ARHGAP6: variants seen among roughly 807,000 people sequenced by gnomAD.
ARHGAP6 encodes rho GTPase-activating protein 6.
A neutral mutation model predicts 55.7 loss-of-function variants in ARHGAP6; 16 were observed. The ratio of observed to expected loss-of-function variants is 0.29; its 90% CI spans 0.19 to 0.44. The LOEUF is 0.44. Among genes scored for constraint, ARHGAP6 ranks in the 20% least tolerant of loss-of-function variants. The pLI is 1.00. For synonymous variants in ARHGAP6, 382 were observed against 360.9 expected, an observed-to-expected ratio of 1.06 and a Z score of -0.66; for missense variants, 698 against 808.9, an observed-to-expected ratio of 0.86 and a Z score of 1.66.
chrX:11,503,379 C>T (rs778350950), intron 1 of ARHGAP6, among the ~76,000 whole-genome samples: 1 of 111,720 alleles, frequency 9.0e-6, no homozygotes, highest in Non-Finnish European at 1.9e-5. Context: ...GCACATTCCT[C>T]GACTGTGTGT....
At chrX:11,296,979 T>C (rs1002215194) in intron 1 of ARHGAP6, among the ~76,000 whole-genome samples, 11 of 111,554 alleles carry the variant, frequency 9.9e-5, no homozygotes, top group Non-Finnish European at 1.7e-4. Flanking sequence ...TAAGCTCTGA[T>C]GGTTGGCCTC....
At chrX:11,300,630 G>A (rs751302355) in intron 1 of ARHGAP6, 14 of 1,194,671 alleles carry the variant, frequency 1.2e-5, no homozygotes, top group Admixed American at 2.2e-5. Context: ...GAAGATGAGA[G>A]GGGAATGAAT....
At chrX:11,524,231 C>T (rs1190474266) in intron 1 of ARHGAP6, among the ~76,000 whole-genome samples, 1 of 111,593 alleles carries the variant, frequency 9.0e-6, no homozygotes, top group East Asian at 2.8e-4. Context: ...CCTAGCCTGC[C>T]TTGCATTGAC....
At chrX:11,317,929 C>T (rs1044190609) in intron 1 of ARHGAP6, among the ~76,000 whole-genome samples, 35 of 111,978 alleles carry the variant, frequency 3.1e-4, no homozygotes, top group Middle Eastern at 4.6e-3. Flanking sequence ...AGGATCAAGC[C>T]CGGTGCCTCC....
At chrX:11,174,632 TTTCTTTCTTTCTTTCTTTCTTTC>T (rs2046168157) in intron 8 of ARHGAP6, among the ~76,000 whole-genome samples, 1 of 30,604 alleles carries the variant, frequency 3.3e-5, no homozygotes, top group Non-Finnish European at 5.7e-5. Context: ...CTTTTCTTTC[TTTCTTTCTTTCTTTCTTTCTTTC>T]TTTCTTTCTT....
At chrX:11,655,333 T>C (rs1488533814) in intron 1 of ARHGAP6, among the ~76,000 whole-genome samples, 2 of 112,581 alleles carry the variant, frequency 1.8e-5, no homozygotes, top group Admixed American at 1.9e-4. Flanking sequence ...TTATGAATAC[T>C]GCTGCTATAA....
chrX:11,616,468 G>T, intron 1 of ARHGAP6, among the ~76,000 whole-genome samples: 1 of 111,019 alleles, frequency 9.0e-6, no homozygotes, highest in Middle Eastern at 4.6e-3. Context: ...TGGGATTACA[G>T]GTGCCCACCA....
At chrX:11,521,274 G>C (rs1667999566) in intron 1 of ARHGAP6, among the ~76,000 whole-genome samples, 1 of 111,822 alleles carries the variant, frequency 8.9e-6, no homozygotes, top group Non-Finnish European at 1.9e-5. Flanking sequence ...TTTTCTTCTA[G>C]GGTTTTTATG....
At chrX:11,298,310 A>T (rs1216598702) in intron 1 of ARHGAP6, 1 of 1,187,065 alleles carries the variant, frequency 8.4e-7, no homozygotes, top group Non-Finnish European at 1.1e-6. Flanking sequence ...ATTCCCTGAA[A>T]ATATTAGGCA....
chrX:11,244,567 A>C (rs2047328363), intron 2 of ARHGAP6, among the ~76,000 whole-genome samples: 1 of 112,495 alleles, frequency 8.9e-6, no homozygotes, highest in African/African-American at 3.2e-5. Flanking sequence ...TACACTCAGC[A>C]TTAAATTTCA....
chrX:11,207,099 C>T lies in ARHGAP6; in HGVS notation c.749-10103G>A, dbSNP rs140747940. ...CCTCAAATGTCTTCCTGGAGAGACT[C>T]CACATATGCCAGCCTTCTCAAGAGT... On this transcript the variant is annotated intron_variant, in intron 2 of 12. Coordinates refer to ENST00000337414, the MANE Select transcript of ARHGAP6 (RefSeq NM_013427.3). Among the ~76,000 whole-genome samples, 420 of 111,592 alleles carry T rather than the reference C, an allele frequency of 3.8e-3. 2 individuals are homozygous for T. Among genetic ancestry groups the T allele is most frequent in the Non-Finnish European group, 6.0e-3 (318 of 53,083 alleles).
intron 1 of ARHGAP6, among the ~76,000 whole-genome samples, chrX:11,527,580 C>T (rs1046657003): frequency 2.7e-5 from 3 of 111,493 alleles, no homozygotes; most frequent in African/African-American, 9.8e-5. Flanking sequence ...CCACTGCACT[C>T]CAGCCTGGGC....
chrX:11,518,462 C>CTTTTTTTTTTTTTTTT (rs368595944), intron 1 of ARHGAP6, among the ~76,000 whole-genome samples: 1 of 74,931 alleles, frequency 1.3e-5, no homozygotes, highest in Non-Finnish European at 2.5e-5. Flanking sequence ...TTTTTTTTTT[C>CTTTTTTTTTTTTTTTT]TTTTTTTTTT....
chrX:11,295,022 C>T (rs961706717), intron 1 of ARHGAP6, among the ~76,000 whole-genome samples: 3 of 112,018 alleles, frequency 2.7e-5, no homozygotes, highest in African/African-American at 9.7e-5. Flanking sequence ...TCAAATGCCG[C>T]TACCAAAAAT....
intron 1 of ARHGAP6, among the ~76,000 whole-genome samples, chrX:11,590,869 G>GAAAAGAAAAGAAGGAAA (rs2051813205): frequency 2.9e-4 from 7 of 24,199 alleles, no homozygotes; most frequent in Admixed American, 5.8e-4. Context: ...AAGAAAAGAA[G>GAAAAGAAAAGAAGGAAA]GAAAGAAAGA....
intron 8 of ARHGAP6, among the ~76,000 whole-genome samples, chrX:11,170,344 T>C (rs1339978864): frequency 9.0e-6 from 1 of 111,453 alleles, no homozygotes; most frequent in Non-Finnish European, 1.9e-5. Flanking sequence ...AATTTTACAA[T>C]GGAGAAAGCA....
intron 8 of ARHGAP6, among the ~76,000 whole-genome samples, chrX:11,174,617 TC>T (rs1569241419): frequency 2.4e-4 from 15 of 62,150 alleles, no homozygotes; most frequent in African/African-American, 7.6e-4. Context: ...TCTTTCTTTC[TC>T]TTTCTTTTCT....
chrX:11,200,002 G>A (rs1187382819), intron 2 of ARHGAP6, among the ~76,000 whole-genome samples: 1 of 112,205 alleles, frequency 8.9e-6, no homozygotes, highest in East Asian at 2.8e-4. Flanking sequence ...CTCATCTTTT[G>A]TTCTCATAAA....
chrX:11,279,497 C>T (rs1445228467), intron 1 of ARHGAP6, among the ~76,000 whole-genome samples: 1 of 111,412 alleles, frequency 9.0e-6, no homozygotes, highest in East Asian at 2.8e-4. Context: ...CAACCAAATG[C>T]CATTGTCTTC....
Sources: allele counts gnomAD v4.1 joint callset (sites outside exome capture counted in the v4.1 genomes callset), GRCh38; gene constraint gnomAD v4.1.1; transcripts MANE v1.5; gene names NCBI Gene and HGNC (gene_info 2026-07-23, HGNC 2026-07-21).